Variants in TRIO observed in about 807,000 individuals in gnomAD.
The protein encoded by TRIO is trio Rho guanine nucleotide exchange factor, also known as triple functional domain protein.
A neutral mutation model predicts 351.9 loss-of-function variants in TRIO; 58 were observed. That is an observed-to-expected ratio of 0.16 (90% CI 0.13 to 0.21). The LOEUF is 0.21. Among genes scored for constraint, TRIO ranks in the 10% least tolerant of loss-of-function variants. The pLI is 1.00. For synonymous variants in TRIO, 1,758 were observed against 1,595.7 expected, an observed-to-expected ratio of 1.10 and a Z score of -2.42; for missense variants, 3,201 against 4,027.8, an observed-to-expected ratio of 0.79 and a Z score of 5.56.
chr5:14,321,678 G>A (rs568602024), intron 9 of TRIO, among the ~76,000 whole-genome samples: 1 of 152,318 alleles, frequency 6.6e-6, no homozygotes, highest in East Asian at 1.9e-4. Context: ...AGGTTCCCTT[G>A]TGGACGCCTG....
Position 14,488,028 on chromosome 5 carries a change from C to A in TRIO, c.7400C>A (p.Ser2467Tyr). ...TCGCCGCTCTCCAGCGCGGTCCCTT[C>A]TCTCGGCAAGGAGCCCTTCCCCCCC... ...LNSPLSSAVP[S>Y]LGKEPFPPSS... Residue 2467 changes from serine (S) to tyrosine (Y), a missense_variant, in exon 48 of 57, where the codon TCT becomes TAT. Around this residue, in one of 19 missense-constraint regions of TRIO, gnomAD observed 1,089 missense variants for 954.9 expected, o/e 1.14. Coordinates refer to ENST00000344204, the MANE Select transcript of TRIO (RefSeq NM_007118.4). 2.5e-6 allele frequency: 4 copies of A among 1,602,102 alleles called. No homozygotes were observed. Among genetic ancestry groups the A allele is most frequent in the Non-Finnish European group, 3.4e-6 (4 of 1,175,580 alleles).
chr5:14,312,538 C>G (rs1238711450), intron 8 of TRIO, among the ~76,000 whole-genome samples: 1 of 152,204 alleles, frequency 6.6e-6, no homozygotes, highest in Non-Finnish European at 1.5e-5. Flanking sequence ...GAAAAATGAG[C>G]TGATCTGATC....
In TRIO at chr5:14,378,197, G is replaced by T. The variant is rs1004248636; in HGVS notation, c.3447+70G>T. 24 of 1,175,470 alleles carry T rather than the reference G, an allele frequency of 2.0e-5. No individual in the cohort carries two copies. In the South Asian group the frequency reaches 3.2e-4, roughly 16 times the overall value. The allele number at this position is 1,175,470 out of a possible 1,614,324, so 72.8% of individuals were successfully genotyped here. A position where few individuals can be genotyped will look rare whatever the true frequency, so the allele number is the denominator to read the frequency against. On this transcript the variant is annotated intron_variant, in intron 20 of 56. Coordinates refer to ENST00000344204, the MANE Select transcript of TRIO (RefSeq NM_007118.4). ...TCACACCTGTCTCCACAGAGAGGCTGAGCTTGACATTTCCGCCATCTTGAA... is the reference window on the plus strand; with the variant it reads ...TCACACCTGTCTCCACAGAGAGGCTTAGCTTGACATTTCCGCCATCTTGAA...
chr5:14,260,631 A>G (rs909434694), intron 1 of TRIO, among the ~76,000 whole-genome samples: 4 of 152,240 alleles, frequency 2.6e-5, no homozygotes, highest in Non-Finnish European at 5.9e-5. Context: ...TAACTTTTCA[A>G]ACCTTCAGTT....
intron 1 of TRIO, among the ~76,000 whole-genome samples, chr5:14,189,930 C>T (rs953515604): frequency 2.0e-5 from 3 of 152,038 alleles, no homozygotes; most frequent in African/African-American, 7.2e-5. Context: ...CTGTGTTGTC[C>T]AGGCAGGTCT....
chr5:14,426,367 C>T (rs559313633), intron 34 of TRIO, among the ~76,000 whole-genome samples: 1 of 152,234 alleles, frequency 6.6e-6, no homozygotes, highest in Non-Finnish European at 1.5e-5. Flanking sequence ...AATACAAATC[C>T]TCATGGGAAA....
chr5:14,229,811 A>G (rs776092325), intron 1 of TRIO, among the ~76,000 whole-genome samples: 2 of 152,230 alleles, frequency 1.3e-5, no homozygotes, highest in Non-Finnish European at 2.9e-5. Context: ...ATTTATAAAT[A>G]CTTATTTAAA....
chr5:14,159,810 C>T (rs181961201), intron 1 of TRIO, among the ~76,000 whole-genome samples: 3 of 152,254 alleles, frequency 2.0e-5, no homozygotes, highest in Admixed American at 6.5e-5. Context: ...CCTGATCTGC[C>T]CGCCTCGGCC....
chr5:14,349,869 C>T (rs1742888896), intron 11 of TRIO, among the ~76,000 whole-genome samples: 1 of 152,128 alleles, frequency 6.6e-6, no homozygotes, highest in Non-Finnish European at 1.5e-5. Flanking sequence ...TGATCCTTTT[C>T]CTCCTCCCAG....
At position 14,343,245 on chromosome 5, in the gene TRIO, G is replaced by T. The variant is rs543940801; in HGVS notation, c.2046+6518G>T. On this transcript the variant is annotated intron_variant, in intron 11 of 56. Coordinates refer to ENST00000344204, the MANE Select transcript of TRIO (RefSeq NM_007118.4). ...CTCAAGGCTTATTCACTTTCCGCGA[G>T]GTTTAGATGTGTATGTGTGCCCATG... Among the ~76,000 whole-genome samples the T allele has an allele frequency of 8.5e-5, 13 of 152,280 alleles. No homozygotes were observed. The South Asian group carries it at 2.5e-3, about 29-fold the overall frequency.
chr5:14,304,692 G>T, intron 8 of TRIO, 100 bp downstream of exon 8: 3 of 1,378,218 alleles, frequency 2.2e-6, no homozygotes, highest in Non-Finnish European at 2.0e-6. Flanking sequence ...CCCAGAAAAA[G>T]TTTATAGATT....
intron 9 of TRIO, among the ~76,000 whole-genome samples, chr5:14,321,823 A>G (rs1303433352): frequency 6.6e-6 from 1 of 152,126 alleles, no homozygotes; most frequent in African/African-American, 2.4e-5. Flanking sequence ...TTCTCGTGAT[A>G]GTGAATAAGT....
intron 10 of TRIO, among the ~76,000 whole-genome samples, chr5:14,335,627 A>T (rs1283984555): frequency 2.0e-5 from 3 of 152,152 alleles, no homozygotes; most frequent in Non-Finnish European, 4.4e-5. Context: ...AGCTCTTTAA[A>T]ACTCTGGCTA....
intron 1 of TRIO, among the ~76,000 whole-genome samples, chr5:14,145,201 C>T (rs1420547301): frequency 1.3e-5 from 2 of 152,208 alleles, no homozygotes; most frequent in East Asian, 3.9e-4. Flanking sequence ...GAGATCAGTT[C>T]CCCAATCCGG....
intron 1 of TRIO, among the ~76,000 whole-genome samples, chr5:14,169,621 A>G (rs1407841339): frequency 6.6e-6 from 1 of 152,236 alleles, no homozygotes; most frequent in Non-Finnish European, 1.5e-5. Context: ...TGTGTGTGAC[A>G]TGAAGTATAA....
intron 34 of TRIO, among the ~76,000 whole-genome samples, chr5:14,427,143 C>T (rs1001341230): frequency 6.6e-6 from 1 of 152,082 alleles, no homozygotes; most frequent in African/African-American, 2.4e-5. Context: ...CCCAGATGAC[C>T]GTGCCTATGT....
At chr5:14,393,993 T>C (rs747989794) in intron 27 of TRIO, 45 bp from the exon 28 acceptor site, 10 of 1,335,374 alleles carry the variant, frequency 7.5e-6, no homozygotes, top group Non-Finnish European at 9.7e-6. Flanking sequence ...GATTTAATAG[T>C]GTAGCCCTAT....
intron 54 of TRIO, among the ~76,000 whole-genome samples, chr5:14,503,952 C>A (rs3789156): frequency 6.6e-6 from 1 of 152,210 alleles, no homozygotes; most frequent in Non-Finnish European, 1.5e-5. Flanking sequence ...CCCCACACAC[C>A]CCCACAGGGG....
intron 34 of TRIO, among the ~76,000 whole-genome samples, chr5:14,435,676 A>G (rs1280044578): frequency 6.6e-6 from 1 of 152,120 alleles, no homozygotes; most frequent in African/African-American, 2.4e-5. Flanking sequence ...TTCTTTACTT[A>G]TATCAGTTGG....
Sources: allele counts gnomAD v4.1 joint callset (sites outside exome capture counted in the v4.1 genomes callset), GRCh38; gene constraint gnomAD v4.1.1; regional missense constraint gnomAD v4.1.1; transcripts MANE v1.5; gene names NCBI Gene and HGNC (gene_info 2026-07-23, HGNC 2026-07-21).